CNTLN: variants seen among roughly 807,000 people sequenced by gnomAD.
CNTLN encodes centlein, centrosomal protein.
CNTLN carries 212 observed loss-of-function variants against 180.0 expected under a neutral mutation model. That is an observed-to-expected ratio of 1.18 (90% CI 1.05 to 1.32). CNTLN has a LOEUF of 1.32. Ranked by LOEUF, CNTLN falls within the 40% of genes most tolerant of loss-of-function variation. CNTLN has a pLI of 0.00. For synonymous variants in CNTLN, 722 were observed against 563.1 expected (o/e 1.28, Z -3.99); for missense variants, 2,095 against 1,610.9 (o/e 1.30, Z -5.14).
chr9:17,218,696 C>G (rs1212812002), intron 2 of CNTLN, among the ~76,000 whole-genome samples: 3 of 152,060 alleles, frequency 2.0e-5, no homozygotes, highest in Non-Finnish European at 2.9e-5. Flanking sequence ...CAATAAATAG[C>G]TTTATTTTGT....
chr9:17,407,025 T>C (rs945338700), intron 15 of CNTLN, among the ~76,000 whole-genome samples: 3 of 149,684 alleles, frequency 2.0e-5, no homozygotes, highest in Non-Finnish European at 2.9e-5. Context: ...GAATAGAACA[T>C]AAAAAGAGGT....
At chr9:17,345,535 GT>G (rs535222015) in intron 12 of CNTLN, among the ~76,000 whole-genome samples, 42 of 140,704 alleles carry the variant, frequency 3.0e-4, no homozygotes, top group East Asian at 4.2e-4. Flanking sequence ...TTTTTGAGTA[GT>G]TTTTTTTTTT....
Position 17,466,033 on chromosome 9 carries a change from T to C in CNTLN, c.3584T>C (p.Leu1195Pro). ...CSNKKVSIDSLKQRLNVAVKE... is the reference protein window; with the variant it reads ...CSNKKVSIDSPKQRLNVAVKE... ...AACAAGAAGGTATCAATTGATTCAC[T>C]AAAGCAAAGACTTAACGTTGCTGTA... is the stretch of plus-strand genomic sequence containing the variant. The change falls in exon 22 of 26, where the codon CTA becomes CCA. Residue 1195 changes from leucine (L) to proline (P), a missense_variant. Transcript: ENST00000380647. The C allele has an allele frequency of 6.2e-7, 1 of 1,605,984 alleles. No homozygotes were observed. The highest frequency in any genetic ancestry group is 8.5e-7 in the Non-Finnish European group (1 of 1,174,276).
intron 1 of CNTLN, among the ~76,000 whole-genome samples, chr9:17,136,973 CAT>C (rs1456153733): frequency 6.6e-6 from 1 of 152,160 alleles, no homozygotes; most frequent in Admixed American, 6.5e-5. Flanking sequence ...TGCCTCCCCA[CAT>C]AGTTAGGCCT....
intron 6 of CNTLN, among the ~76,000 whole-genome samples, chr9:17,287,894 C>G (rs1176429975): frequency 2.1e-5 from 3 of 146,030 alleles, no homozygotes; most frequent in Non-Finnish European, 4.5e-5. Context: ...TGATTCTTCT[C>G]TCTTTTTTTC....
chr9:17,385,136 T>C (rs1224527081), intron 13 of CNTLN, among the ~76,000 whole-genome samples: 4 of 152,220 alleles, frequency 2.6e-5, no homozygotes, highest in East Asian at 3.9e-4. Context: ...AACAGCCAAA[T>C]AGAAGAGTTG....
At position 17,392,817 on chromosome 9, in the gene CNTLN, T is replaced by C. The variant is rs550350641; in HGVS notation, c.2080-1717T>C. Among the ~76,000 whole-genome samples, 16 of 151,968 alleles carry C rather than the reference T, an allele frequency of 1.1e-4. No individual in the cohort carries two copies. In the South Asian group the frequency reaches 1.9e-3, roughly 18 times the overall value. ...GAACATTAAAAAAAAAAGGGTAATA[T>C]AGAAGGATGTGTAAATCAGACATGA... On this transcript the variant is annotated intron_variant, in intron 14 of 25. Coordinates refer to ENST00000380647, the MANE Select transcript of CNTLN (RefSeq NM_017738.4).
chr9:17,355,747 G>T (rs1007266137), intron 12 of CNTLN, among the ~76,000 whole-genome samples: 4 of 152,158 alleles, frequency 2.6e-5, no homozygotes, highest in African/African-American at 7.2e-5. Context: ...AATAAGATAA[G>T]AACTTGAATG....
rs764733054 is a variant in CNTLN at position 17,309,161 on chromosome 9, A to G, written c.1250A>G (p.Gln417Arg). The part of the protein sequence containing the change: ...NLQDQLLQKE[Q>R]ENAKLKEKLQ... ...CAGGATCAGCTATTACAAAAAGAGC[A>G]AGAAAATGCTAAGTTAAAAGAAAAA... The change falls in exon 8 of 26, where the codon CAA becomes CGA. Residue 417 changes from glutamine to arginine, a missense_variant. Gln to Arg is a conservative substitution (Grantham distance 43). Transcript: ENST00000380647. 2.9e-5 allele frequency: 46 copies of G among 1,610,856 alleles called. No homozygotes were observed. The highest frequency in any genetic ancestry group is 3.6e-5 in the Non-Finnish European group (43 of 1,178,130).
At chr9:17,466,577 T>C (rs1831762939) in intron 22 of CNTLN, 129 bp from the exon 23 acceptor site, 1 of 700,640 alleles carries the variant, frequency 1.4e-6, no homozygotes, top group Non-Finnish European at 2.3e-6. Flanking sequence ...AAAATAATCA[T>C]TAATTTTACC....
chr9:17,213,795 C>T (rs1282230468), intron 2 of CNTLN, among the ~76,000 whole-genome samples: 1 of 152,128 alleles, frequency 6.6e-6, no homozygotes, highest in Non-Finnish European at 1.5e-5. Context: ...GAATTGATCC[C>T]TTTACCATTA....
At chr9:17,412,916 A>G (rs995387714) in intron 16 of CNTLN, among the ~76,000 whole-genome samples, 1 of 152,246 alleles carries the variant, frequency 6.6e-6, no homozygotes, top group Non-Finnish European at 1.5e-5. Flanking sequence ...TCAGTAAAGA[A>G]TTAGAAAGTC....
intron 5 of CNTLN, among the ~76,000 whole-genome samples, chr9:17,243,295 T>G (rs1274980689): frequency 6.6e-6 from 1 of 152,172 alleles, no homozygotes; most frequent in African/African-American, 2.4e-5. Context: ...ATTGTTCTTT[T>G]GTATTGTGTA....
intron 2 of CNTLN, among the ~76,000 whole-genome samples, chr9:17,207,881 T>G (rs1246315939): frequency 6.6e-6 from 1 of 152,176 alleles, no homozygotes; most frequent in Non-Finnish European, 1.5e-5. Context: ...CTTTAGGTTT[T>G]TCCAAATATA....
chr9:17,312,449 C>T (rs569504075), intron 8 of CNTLN, among the ~76,000 whole-genome samples: 33 of 148,792 alleles, frequency 2.2e-4, no homozygotes, highest in South Asian at 1.5e-3. Context: ...TGCAGTGGCG[C>T]GATCTCGGCT....
chr9:17,328,286 C>T (rs1292431101), intron 8 of CNTLN, among the ~76,000 whole-genome samples: 1 of 152,178 alleles, frequency 6.6e-6, no homozygotes, highest in African/African-American at 2.4e-5. Context: ...GCAGATTATA[C>T]TTCTACCCAC....
chr9:17,201,224 A>T (rs1822503268), intron 2 of CNTLN, among the ~76,000 whole-genome samples: 1 of 152,158 alleles, frequency 6.6e-6, no homozygotes, highest in South Asian at 2.1e-4. Context: ...GTGCTGCTGT[A>T]TTCAGTTTGC....
chr9:17,312,072 G>C (rs1315100213), intron 8 of CNTLN, among the ~76,000 whole-genome samples: 1 of 151,896 alleles, frequency 6.6e-6, no homozygotes, highest in Non-Finnish European at 1.5e-5. Context: ...TGAGGGTAAT[G>C]TAAGTTACTT....
At chr9:17,292,008 C>T (rs764862815) in intron 6 of CNTLN, among the ~76,000 whole-genome samples, 9 of 152,138 alleles carry the variant, frequency 5.9e-5, no homozygotes, top group Admixed American at 1.3e-4. Context: ...TGACTAATTA[C>T]CTCAGCATTT....
Sources: gnomAD v4.1 joint callset for allele counts (sites outside exome capture counted in the v4.1 genomes callset) on GRCh38, gnomAD v4.1.1 for gene constraint, MANE v1.5 for transcripts, NCBI Gene and HGNC (gene_info 2026-07-23, HGNC 2026-07-21) for gene names.